Variants in MGMT observed in about 807,000 individuals in gnomAD.
The protein encoded by MGMT is O-6-methylguanine-DNA methyltransferase.
In MGMT, 14 loss-of-function variants were observed where a neutral mutation model predicts 15.9. The observed-to-expected ratio is 0.88, with a 90% CI of 0.58 to 1.37. The LOEUF (loss-of-function observed/expected upper bound fraction) is 1.37, where lower values mean the gene tolerates loss of function less well. Ranked by LOEUF, MGMT falls within the 40% of genes most tolerant of loss-of-function variation. The probability of loss-of-function intolerance (pLI) is 0.00; values close to 1 mark genes in which losing one functional copy is unlikely to be tolerated. For missense variants in MGMT, 282 were observed against 268.1 expected, an observed-to-expected ratio of 1.05 and a Z score of -0.36; for synonymous variants, 130 against 118.2, an observed-to-expected ratio of 1.10 and a Z score of -0.65.
chr10:129,629,868 G>T (rs892748611), intron 2 of MGMT, among the ~76,000 whole-genome samples: 1 of 152,140 alleles, frequency 6.6e-6, no homozygotes, highest in Non-Finnish European at 1.5e-5. Flanking sequence ...CCCTCCTAGT[G>T]AGCACAGAAT....
chr10:129,485,040 A>C lies in MGMT; in HGVS notation c.-13+17744A>C, dbSNP rs369558188. On this transcript the variant is annotated intron_variant, in intron 1 of 4. Transcript: ENST00000651593. Reference sequence around the variant, plus strand: ...CAGCTCTGAGGTCTTTACCTGATGAATGTTGTATTAGGAGATCTTTCCACA... The same window carrying C: ...CAGCTCTGAGGTCTTTACCTGATGACTGTTGTATTAGGAGATCTTTCCACA... Among the ~76,000 whole-genome samples the C allele has an allele frequency of 2.0e-5, 3 of 152,060 alleles. No individual in the cohort carries two copies. In the South Asian group the frequency reaches 6.2e-4, roughly 32 times the overall value.
At chr10:129,760,021 G>T (rs1194152232) in intron 4 of MGMT, among the ~76,000 whole-genome samples, 1 of 152,204 alleles carries the variant, frequency 6.6e-6, no homozygotes. Context: ...TAAACTCCAG[G>T]CTCCCAGGCT....
At chr10:129,646,754 A>ATATTTTTTTTTTTTTTTTTTTTTT in intron 2 of MGMT, among the ~76,000 whole-genome samples, 2 of 86,668 alleles carry the variant, frequency 2.3e-5, no homozygotes, top group Non-Finnish European at 5.1e-5. Context: ...ATATATATAT[A>ATATTTTTTTTTTTTTTTTTTTTTT]TTTTCAGGGA....
At chr10:129,683,485 A>G (rs1202003485) in intron 2 of MGMT, among the ~76,000 whole-genome samples, 2 of 152,348 alleles carry the variant, frequency 1.3e-5, no homozygotes, top group Admixed American at 6.5e-5. Flanking sequence ...CTAGGCGTCC[A>G]TACACATGGC....
chr10:129,617,037 G>A lies in MGMT; in HGVS notation c.125+80660G>A, dbSNP rs539410104. 1.9e-4 allele frequency among the ~76,000 whole-genome samples: 29 copies of A among 152,304 alleles called. No individual in the cohort carries two copies. The South Asian group carries it at 6.0e-3, about 32-fold the overall frequency. On this transcript the variant is annotated intron_variant, in intron 2 of 4. Coordinates refer to ENST00000651593, the MANE Select transcript of MGMT (RefSeq NM_002412.5). ...TTGTATAGGTAACTTGCCTATCACA[G>A]GGGTTTTGTGTGTGGATTATTTCTT...
At chr10:129,745,752 A>G (rs1402634920) in intron 3 of MGMT, among the ~76,000 whole-genome samples, 1 of 151,536 alleles carries the variant, frequency 6.6e-6, no homozygotes, top group Non-Finnish European at 1.5e-5. Context: ...CCCTCCTTAT[A>G]TCCTCTTTGG....
intron 2 of MGMT, among the ~76,000 whole-genome samples, chr10:129,611,825 G>C (rs1846964536): frequency 6.6e-6 from 1 of 152,212 alleles, no homozygotes; most frequent in African/African-American, 2.4e-5. Context: ...CCTAGAGCTG[G>C]GGTGTGATGC....
intron 2 of MGMT, chr10:129,693,960 T>C (rs950315658): frequency 7.3e-5 from 11 of 151,226 alleles, no homozygotes; most frequent in African/African-American, 2.4e-4. Context: ...ACAGTTCCCA[T>C]GGGCAGGTGG....
chr10:129,767,999 T>C lies in MGMT; in HGVS notation c.*1002T>C, dbSNP rs1848958584. 1 of 152,236 alleles carries C rather than the reference T, an allele frequency of 6.6e-6. No individual in the cohort carries two copies. The highest frequency in any genetic ancestry group is 2.4e-5 in the African/African-American group (1 of 41,462). The allele number at this position is 152,236 out of a possible 1,614,324, so 9.4% of individuals were successfully genotyped here. ...AAGCCGGAAGGGAAACCTGTAGCTC[T>C]GCATATGGAGAAATAAAACAGAGCA... is the stretch of plus-strand genomic sequence containing the variant. On this transcript the variant is annotated 3_prime_UTR_variant, in exon 5 of 5. Transcript: ENST00000651593.
chr10:129,732,450 C>G (rs10764904), intron 3 of MGMT, among the ~76,000 whole-genome samples: 81,362 of 151,456 alleles, frequency 0.54, 22,273 homozygotes, highest in Middle Eastern at 0.71. Context: ...TGATGGTTTC[C>G]AACTTCATCC....
chr10:129,634,357 CATCTTGT>C (rs916378480), intron 2 of MGMT, among the ~76,000 whole-genome samples: 69 of 152,224 alleles, frequency 4.5e-4, no homozygotes, highest in African/African-American at 1.6e-3. Context: ...TTTCACTGTC[CATCTTGT>C]ATCTGTGCAT....
intron 2 of MGMT, among the ~76,000 whole-genome samples, chr10:129,599,867 G>A (rs1846797774): frequency 2.0e-5 from 3 of 152,118 alleles, no homozygotes; most frequent in African/African-American, 7.2e-5. Flanking sequence ...CTTAATTGTT[G>A]CCCATCTGAT....
intron 1 of MGMT, among the ~76,000 whole-genome samples, chr10:129,501,182 G>C (rs919765732): frequency 6.6e-6 from 1 of 152,236 alleles, no homozygotes; most frequent in African/African-American, 2.4e-5. Flanking sequence ...GGAAACGGCA[G>C]TGGCTGGAGG....
chr10:129,635,906 C>T (rs2133086041), intron 2 of MGMT, among the ~76,000 whole-genome samples: 1 of 152,292 alleles, frequency 6.6e-6, no homozygotes, highest in Admixed American at 6.5e-5. Context: ...GGAGCTCCTG[C>T]TGTAATCACT....
intron 1 of MGMT, among the ~76,000 whole-genome samples, chr10:129,468,929 T>C (rs7069786): frequency 0.21 from 31,886 of 152,096 alleles, 5,803 homozygotes; most frequent in African/African-American, 0.49. Context: ...ATTTAACTAA[T>C]AGTATTAGGC....
At chr10:129,709,297 A>C (rs979528279) in intron 3 of MGMT, among the ~76,000 whole-genome samples, 11 of 152,102 alleles carry the variant, frequency 7.2e-5, no homozygotes, top group Admixed American at 5.2e-4. Context: ...GCTGGGGGCC[A>C]CCTCTCCCCA....
chr10:129,480,146 G>T (rs1711667), intron 1 of MGMT, among the ~76,000 whole-genome samples: 93,299 of 151,962 alleles, frequency 0.61, 29,059 homozygotes, highest in East Asian at 0.91. Flanking sequence ...TCAGTCTGTT[G>T]TGATATGTTT....
At chr10:129,525,646 A>G (rs1040128940) in intron 1 of MGMT, among the ~76,000 whole-genome samples, 3 of 152,178 alleles carry the variant, frequency 2.0e-5, no homozygotes, top group Non-Finnish European at 2.9e-5. Context: ...CTCCGATGAC[A>G]GTAATAAAAA....
At chr10:129,634,311 C>T (rs768263671) in intron 2 of MGMT, among the ~76,000 whole-genome samples, 15 of 152,184 alleles carry the variant, frequency 9.9e-5, no homozygotes, top group Non-Finnish European at 1.6e-4. Context: ...TATTGTGATG[C>T]ATCTTGGTGC....
Sources: gnomAD v4.1 joint callset for allele counts (sites outside exome capture counted in the v4.1 genomes callset) on GRCh38, gnomAD v4.1.1 for gene constraint, MANE v1.5 for transcripts, NCBI Gene and HGNC (gene_info 2026-07-23, HGNC 2026-07-21) for gene names.